MACROD1: variants seen among roughly 807,000 people sequenced by gnomAD.
The protein encoded by MACROD1 is ADP-ribose glycohydrolase MACROD1.
MACROD1 carries 31 observed loss-of-function variants against 41.4 expected under a neutral mutation model. The ratio of observed to expected loss-of-function variants is 0.75; its 90% CI spans 0.56 to 1.01. The LOEUF (loss-of-function observed/expected upper bound fraction) is 1.01, where lower values mean the gene tolerates loss of function less well. MACROD1 is among the 50% of genes least tolerant of loss of function. MACROD1 has a pLI of 0.00. For synonymous variants in MACROD1, 252 were observed against 203.4 expected, an observed-to-expected ratio of 1.24 and a Z score of -2.03; for missense variants, 473 against 460.0, an observed-to-expected ratio of 1.03 and a Z score of -0.26.
intron 3 of MACROD1, among the ~76,000 whole-genome samples, chr11:64,068,566 G>T (rs931503059): frequency 6.6e-6 from 1 of 152,214 alleles, no homozygotes; most frequent in Non-Finnish European, 1.5e-5. Context: ...ACAGAGCCCC[G>T]CATTCCCATT....
At chr11:64,099,982 G>A (rs994444292) in intron 3 of MACROD1, among the ~76,000 whole-genome samples, 1 of 152,272 alleles carries the variant, frequency 6.6e-6, no homozygotes, top group East Asian at 1.9e-4. Flanking sequence ...AGTGTTTGGT[G>A]GATGGTCCGT....
intron 3 of MACROD1, among the ~76,000 whole-genome samples, chr11:64,074,071 G>T (rs1216680712): frequency 2.6e-5 from 4 of 152,180 alleles, no homozygotes; most frequent in African/African-American, 9.7e-5. Context: ...GGATGGGGGT[G>T]GGGGGAATAC....
intron 3 of MACROD1, among the ~76,000 whole-genome samples, chr11:64,023,593 C>G (rs1202684840): frequency 6.6e-6 from 1 of 152,148 alleles, no homozygotes; most frequent in Non-Finnish European, 1.5e-5. Context: ...CTCACCACGT[C>G]TTCTCTGACG....
rs1349819803 is a variant in MACROD1 at position 64,159,522 on chromosome 11, C to T, written c.298+6175G>A. ...AATAAATAAACAAACAGGCCAGGCACGGTGGCTCACTCCTGTAATCCCAGC... is the reference window on the plus strand; with the variant it reads ...AATAAATAAACAAACAGGCCAGGCATGGTGGCTCACTCCTGTAATCCCAGC... On this transcript the variant is annotated intron_variant, in intron 1 of 10. Transcript: ENST00000255681. Among the ~76,000 whole-genome samples the T allele has an allele frequency of 6.8e-5, 10 of 147,804 alleles. No homozygotes were observed. The South Asian group carries it at 2.0e-3, about 29-fold the overall frequency.
In MACROD1 at chr11:64,133,119, G is replaced by A. The variant is rs574218677; in HGVS notation, c.517+18120C>T. ...CCAGGAAGACCTCCCACAGGAAGCC[G>A]TCCCTGAGCAGCCCCCAGCGCCTTG... is the stretch of plus-strand genomic sequence containing the variant. On this transcript the variant is annotated intron_variant, in intron 3 of 10. Transcript: ENST00000255681. 7.2e-5 allele frequency among the ~76,000 whole-genome samples: 11 copies of A among 152,308 alleles called. No homozygotes were observed. In the South Asian group the frequency reaches 1.2e-3, roughly 17 times the overall value.
At chr11:64,132,587 T>G (rs1945280868) in intron 3 of MACROD1, among the ~76,000 whole-genome samples, 1 of 152,164 alleles carries the variant, frequency 6.6e-6, no homozygotes, top group East Asian at 1.9e-4. Context: ...AGATGGAATC[T>G]GCCACCAGGA....
At chr11:64,033,968 G>A (rs1423656742) in intron 3 of MACROD1, among the ~76,000 whole-genome samples, 4 of 152,112 alleles carry the variant, frequency 2.6e-5, no homozygotes, top group South Asian at 2.1e-4. Context: ...TGGCTGGCTC[G>A]AAGATAACAT....
At chr11:64,027,757 A>G (rs1367080925) in intron 3 of MACROD1, among the ~76,000 whole-genome samples, 2 of 151,968 alleles carry the variant, frequency 1.3e-5, no homozygotes, top group Non-Finnish European at 2.9e-5. Flanking sequence ...CTCGGCCTAC[A>G]ATTTCCGTGG....
chr11:64,162,992 G>A lies in MACROD1; in HGVS notation c.298+2705C>T, dbSNP rs914093348. Among the ~76,000 whole-genome samples, 17 of 152,066 alleles carry A rather than the reference G, an allele frequency of 1.1e-4. No homozygotes were observed. In the East Asian group the frequency reaches 1.2e-3, roughly 10 times the overall value. On this transcript the variant is annotated intron_variant, in intron 1 of 10. Transcript: ENST00000255681. ...AAAAATTAGCCGGGCGTGATGGCACGCGTCTGTAATCCCAGCTACTGGGGA... is the reference window on the plus strand; with the variant it reads ...AAAAATTAGCCGGGCGTGATGGCACACGTCTGTAATCCCAGCTACTGGGGA...
chr11:64,121,302 C>T (rs935741724), intron 3 of MACROD1, among the ~76,000 whole-genome samples: 2 of 152,322 alleles, frequency 1.3e-5, no homozygotes, highest in Admixed American at 6.5e-5. Flanking sequence ...GGGCGGGGCT[C>T]GGCCCCTCTT....
intron 3 of MACROD1, among the ~76,000 whole-genome samples, chr11:64,121,312 T>C (rs1945094464): frequency 6.6e-6 from 1 of 152,182 alleles, no homozygotes; most frequent in East Asian, 1.9e-4. Context: ...CGGCCCCTCT[T>C]ACCAGACCCT....
At chr11:64,078,935 G>A (rs532164181) in intron 3 of MACROD1, among the ~76,000 whole-genome samples, 2 of 152,316 alleles carry the variant, frequency 1.3e-5, no homozygotes, top group East Asian at 1.9e-4. Context: ...ATGCCAGTGC[G>A]GTTAAGGGTG....
chr11:64,134,052 G>A (rs541098847), intron 3 of MACROD1, among the ~76,000 whole-genome samples: 2 of 152,322 alleles, frequency 1.3e-5, no homozygotes, highest in East Asian at 1.9e-4. Context: ...CACCCAACCC[G>A]GCTAGAATGG....
chr11:64,078,052 A>C (rs1276275579), intron 3 of MACROD1, among the ~76,000 whole-genome samples: 6 of 152,168 alleles, frequency 3.9e-5, no homozygotes, highest in African/African-American at 1.4e-4. Context: ...AGGGAGGTAC[A>C]GCAGCTCTGG....
At chr11:64,007,449 A>G (rs1378307735) in intron 4 of MACROD1, among the ~76,000 whole-genome samples, 2 of 152,022 alleles carry the variant, frequency 1.3e-5, no homozygotes, top group African/African-American at 4.8e-5. Flanking sequence ...GATGGGGAGG[A>G]GAGTCCGGGA....
In MACROD1 at chr11:64,015,276, T is replaced by G; in HGVS notation, c.523A>C (p.Ser175Arg). The G allele has an allele frequency of 6.2e-7, 1 of 1,603,348 alleles. No individual in the cohort carries two copies. Among genetic ancestry groups the G allele is most frequent in the Non-Finnish European group, 8.5e-7 (1 of 1,175,022 alleles). ...EVDAIVNAANSSLLGGGGVDG... is the reference protein window; with the variant it reads ...EVDAIVNAANRSLLGGGGVDG... Reference sequence around the variant, plus strand: ...CCGCCACCGCCTCCGAGCAGGGAGCTGTTGGCTGCAAGAGAGAGAGACAAA... The same window carrying G: ...CCGCCACCGCCTCCGAGCAGGGAGCGGTTGGCTGCAAGAGAGAGAGACAAA... The change falls in exon 4 of 11, where the codon AGC becomes CGC. Residue 175 changes from serine to arginine, a missense_variant. Transcript: ENST00000255681.
chr11:64,100,232 G>C (rs548899251), intron 3 of MACROD1, among the ~76,000 whole-genome samples: 1 of 152,150 alleles, frequency 6.6e-6, no homozygotes, highest in Non-Finnish European at 1.5e-5. Flanking sequence ...TATATGTATG[G>C]GCAGATTCGG....
chr11:64,165,566 A>T, intron 1 of MACROD1, 131 bp downstream of exon 1: 1 of 768,974 alleles, frequency 1.3e-6, no homozygotes, highest in Non-Finnish European at 1.9e-6. Context: ...GGTCCGTTCC[A>T]GGGCAGATGG....
At chr11:64,160,109 G>A (rs959145850) in intron 1 of MACROD1, among the ~76,000 whole-genome samples, 2 of 152,124 alleles carry the variant, frequency 1.3e-5, no homozygotes, top group Non-Finnish European at 2.9e-5. Context: ...TGGAAATACC[G>A]AGCAAACGCC....
Sources: allele counts gnomAD v4.1 joint callset (sites outside exome capture counted in the v4.1 genomes callset), GRCh38; gene constraint gnomAD v4.1.1; transcripts MANE v1.5; gene names NCBI Gene and HGNC (gene_info 2026-07-23, HGNC 2026-07-21).